ARHGEF38: variants seen among roughly 807,000 people sequenced by gnomAD.
The protein encoded by ARHGEF38 is Rho guanine nucleotide exchange factor 38.
A neutral mutation model predicts 79.9 loss-of-function variants in ARHGEF38; 79 were observed. The observed-to-expected ratio is 0.99, with a 90% confidence interval of 0.82 to 1.19. The LOEUF (loss-of-function observed/expected upper bound fraction) is 1.19. Among genes scored for constraint, ARHGEF38 ranks in the 50% most tolerant of loss-of-function variants. The pLI is 0.00. For missense variants in ARHGEF38, 962 were observed against 907.2 expected, an observed-to-expected ratio of 1.06 and a Z score of -0.78; for synonymous variants, 366 against 328.3, an observed-to-expected ratio of 1.11 and a Z score of -1.24.
intron 9 of ARHGEF38, among the ~76,000 whole-genome samples, chr4:105,656,767 C>A (rs1730344072): frequency 6.6e-6 from 1 of 152,052 alleles, no homozygotes; most frequent in African/African-American, 2.4e-5. Flanking sequence ...CCACCAGGCT[C>A]AAAATCTCAG....
At chr4:105,650,105 A>G (rs1730037528) in intron 7 of ARHGEF38, among the ~76,000 whole-genome samples, 1 of 152,228 alleles carries the variant, frequency 6.6e-6, no homozygotes. Flanking sequence ...AAATTTAATC[A>G]TTATTATTTT....
At chr4:105,674,541 G>T (rs1387464289) in intron 13 of ARHGEF38, among the ~76,000 whole-genome samples, 2 of 151,864 alleles carry the variant, frequency 1.3e-5, no homozygotes, top group Non-Finnish European at 2.9e-5. Context: ...ACATTAAGGA[G>T]ACTAAAAATA....
chr4:105,646,329 T>C (rs1202297070), intron 6 of ARHGEF38, among the ~76,000 whole-genome samples: 1 of 152,076 alleles, frequency 6.6e-6, no homozygotes, highest in Non-Finnish European at 1.5e-5. Flanking sequence ...ATCACTGACA[T>C]TAAATCAATA....
rs1731286865 is a variant in ARHGEF38, at chr4:105,680,858, T to C, written c.*2921T>C. On this transcript the variant is annotated 3_prime_UTR_variant, in exon 14 of 14. Coordinates refer to ENST00000420470, the MANE Select transcript of ARHGEF38 (RefSeq NM_001242729.2). ...GTAGCACGTATTTTCCATGATGGGA[T>C]AAATGTTTTCATTTCAAGTGCCAAT... 6.6e-6 allele frequency: 1 copy of C among 152,214 alleles called. No individual in the cohort carries two copies. The highest frequency in any genetic ancestry group is 2.1e-4 in the South Asian group (1 of 4,838). 9.4% of individuals were successfully genotyped at this position (152,214 alleles called of 1,614,324 possible).
intron 2 of ARHGEF38, among the ~76,000 whole-genome samples, chr4:105,608,641 C>T (rs1168410821): frequency 6.6e-6 from 1 of 151,794 alleles, no homozygotes; most frequent in Non-Finnish European, 1.5e-5. Flanking sequence ...TTTCTTCTAG[C>T]TATTTTGAAA....
intron 2 of ARHGEF38, among the ~76,000 whole-genome samples, chr4:105,599,385 T>C (rs1022802821): frequency 3.3e-5 from 5 of 152,154 alleles, no homozygotes; most frequent in African/African-American, 1.2e-4. Flanking sequence ...CCCAATTCAG[T>C]GCAGGATTTG....
chr4:105,613,457 CATT>C lies in ARHGEF38; in HGVS notation c.459_461del (p.Leu155del), dbSNP rs1728384973. On this transcript the variant is annotated inframe_deletion, in exon 3 of 14. Transcript: ENST00000420470. ...CATCAGATATCAGCCAAGCTGCTGT[CATT>C]GTTGGAAGAGGCCACAACAGACGTG... The C allele has an allele frequency of 1.2e-6, 2 of 1,613,178 alleles. No individual in the cohort carries two copies. The highest frequency in any genetic ancestry group is 2.2e-5 in the East Asian group (1 of 44,876).
At chr4:105,580,777 A>C (rs560535281) in intron 1 of ARHGEF38, among the ~76,000 whole-genome samples, 37 of 151,984 alleles carry the variant, frequency 2.4e-4, no homozygotes, top group Non-Finnish European at 4.9e-4. Context: ...CAGTGACACT[A>C]TTTCAGTTCA....
chr4:105,583,354 C>T (rs1726884733), intron 1 of ARHGEF38, among the ~76,000 whole-genome samples: 1 of 152,154 alleles, frequency 6.6e-6, no homozygotes, highest in South Asian at 2.1e-4. Context: ...CCCAAGCTGT[C>T]CTGTCCACCA....
intron 9 of ARHGEF38, 138 bp from the exon 10 acceptor site, chr4:105,658,916 C>T (rs1730446877): frequency 2.8e-6 from 2 of 709,274 alleles, no homozygotes; most frequent in Admixed American, 5.9e-5. Flanking sequence ...TGATCAGATC[C>T]TCTTTTAATC....
chr4:105,643,140 T>TTTTCAGTATAAATACTGAAAACTG (rs551049756), intron 5 of ARHGEF38, among the ~76,000 whole-genome samples: 3 of 151,704 alleles, frequency 2.0e-5, no homozygotes, highest in African/African-American at 7.3e-5. Context: ...TTAGTTTTTT[T>TTTTCAGTATAAATACTGAAAACTG]TTTTCAGTAT....
In ARHGEF38 at chr4:105,552,873, T is replaced by C. The variant is rs1471578201; in HGVS notation, c.108T>C (p.Thr36=). Residue 36 remains threonine (T), a synonymous_variant, in exon 1 of 14, where the codon ACT becomes ACC. Transcript: ENST00000420470. ...TGCTGGAGAGAAGGAAGACTGACACTGTGGTTGAGAGCAGTGTTTCTGGGG... is the reference window on the plus strand; with the variant it reads ...TGCTGGAGAGAAGGAAGACTGACACCGTGGTTGAGAGCAGTGTTTCTGGGG... ...LYMLERRKTD[T]VVESSVSGDH... 1 of 1,613,940 alleles carries C rather than the reference T, an allele frequency of 6.2e-7. No individual in the cohort carries two copies.
intron 1 of ARHGEF38, among the ~76,000 whole-genome samples, chr4:105,557,033 A>G (rs1189413067): frequency 6.6e-6 from 1 of 152,178 alleles, no homozygotes; most frequent in African/African-American, 2.4e-5. Context: ...CCACTAGCTC[A>G]ATTCCTCATT....
At chr4:105,557,276 G>A (rs989672049) in intron 1 of ARHGEF38, among the ~76,000 whole-genome samples, 2 of 151,958 alleles carry the variant, frequency 1.3e-5, no homozygotes, top group Non-Finnish European at 2.9e-5. Context: ...ATACATGTAT[G>A]TACTTGTATG....
At chr4:105,651,105 G>A (rs989930446) in intron 7 of ARHGEF38, among the ~76,000 whole-genome samples, 2 of 152,206 alleles carry the variant, frequency 1.3e-5, no homozygotes, top group Non-Finnish European at 2.9e-5. Context: ...GCTGGCTTTT[G>A]AATAAGCTGT....
intron 1 of ARHGEF38, among the ~76,000 whole-genome samples, chr4:105,584,189 T>C (rs547564710): frequency 6.6e-6 from 1 of 152,314 alleles, no homozygotes; most frequent in South Asian, 2.1e-4. Flanking sequence ...CAGAAGAATA[T>C]GTATATGAGC....
At chr4:105,648,848 T>TTCTC (rs374420145) in intron 7 of ARHGEF38, among the ~76,000 whole-genome samples, 166 bp downstream of exon 7, 26 of 108,642 alleles carry the variant, frequency 2.4e-4, no homozygotes, top group Admixed American at 5.2e-4. Context: ...CTCTCTCTCT[T>TTCTC]TCTCTCTCTC....
At chr4:105,578,606 A>G (rs1000111640) in intron 1 of ARHGEF38, among the ~76,000 whole-genome samples, 3 of 152,154 alleles carry the variant, frequency 2.0e-5, no homozygotes, top group African/African-American at 7.2e-5. Flanking sequence ...TGTAAGGTAC[A>G]TATGAATTTA....
intron 1 of ARHGEF38, among the ~76,000 whole-genome samples, chr4:105,583,234 C>T (rs922987076): frequency 1.3e-5 from 2 of 152,134 alleles, no homozygotes; most frequent in African/African-American, 2.4e-5. Context: ...GAAATTTTAA[C>T]ATATATCCTT....
Sources: allele counts gnomAD v4.1 joint callset (sites outside exome capture counted in the v4.1 genomes callset), GRCh38; gene constraint gnomAD v4.1.1; transcripts MANE v1.5; gene names NCBI Gene and HGNC (gene_info 2026-07-23, HGNC 2026-07-21).